Variants in DPYS observed in about 807,000 individuals in gnomAD.
DPYS encodes the protein dihydropyrimidine amidohydrolase.
DPYS carries 39 observed loss-of-function variants against 50.3 expected under a neutral mutation model. The ratio of observed to expected loss-of-function variants is 0.78; its 90% CI spans 0.60 to 1.01. The LOEUF is 1.01. DPYS is among the 50% of genes least tolerant of loss of function. The pLI, the probability that DPYS is intolerant of heterozygous loss-of-function variation, is 0.00. For missense variants in DPYS, 659 were observed against 680.9 expected (o/e 0.97, Z 0.36); for synonymous variants, 245 against 250.7 (o/e 0.98, Z 0.22).
intron 2 of DPYS, among the ~76,000 whole-genome samples, chr8:104,449,181 CT>C (rs1813643402): frequency 1.3e-5 from 2 of 152,124 alleles, no homozygotes; most frequent in South Asian, 2.1e-4. Flanking sequence ...TTTGTTCCCC[CT>C]AACAGTTTCT....
chr8:104,450,167 G>GAGGA (rs1266424852), intron 2 of DPYS, among the ~76,000 whole-genome samples: 2 of 137,436 alleles, frequency 1.5e-5, no homozygotes, highest in African/African-American at 5.4e-5. Context: ...GGAAGGGAGG[G>GAGGA]AGGGAGGGAA....
chr8:104,395,842 C>A (rs1436945691), intron 7 of DPYS, among the ~76,000 whole-genome samples: 2 of 69,662 alleles, frequency 2.9e-5, no homozygotes, highest in African/African-American at 5.0e-5. Context: ...TAAGTGTATG[C>A]TGCAGCAAAA....
chr8:104,443,403 A>G (rs1813418690), intron 4 of DPYS, among the ~76,000 whole-genome samples: 1 of 152,200 alleles, frequency 6.6e-6, no homozygotes, highest in African/African-American at 2.4e-5. Flanking sequence ...TTAGATTTTA[A>G]AATCTTAAAA....
At chr8:104,392,361 T>G (rs879345978) in intron 8 of DPYS, among the ~76,000 whole-genome samples, 2 of 152,188 alleles carry the variant, frequency 1.3e-5, no homozygotes, top group Non-Finnish European at 2.9e-5. Context: ...TTTATCTCTT[T>G]CTTTTCTTTA....
chr8:104,451,179 T>C (rs1813723351), intron 2 of DPYS, 67 bp downstream of exon 2: 1 of 1,604,812 alleles, frequency 6.2e-7, no homozygotes, highest in Non-Finnish European at 8.5e-7. Flanking sequence ...ATGTCACCAG[T>C]TTCTTGCTCT....
intron 7 of DPYS, among the ~76,000 whole-genome samples, chr8:104,412,026 C>G (rs1812198688): frequency 6.6e-6 from 1 of 152,206 alleles, no homozygotes; most frequent in Admixed American, 6.5e-5. Context: ...CTAATGTACT[C>G]TGACTCTCCT....
intron 4 of DPYS, among the ~76,000 whole-genome samples, chr8:104,437,006 A>T (rs1451954753): frequency 1.3e-5 from 2 of 152,210 alleles, no homozygotes; most frequent in African/African-American, 4.8e-5. Flanking sequence ...CAAGTTTATT[A>T]GAAGGGCAGG....
intron 7 of DPYS, among the ~76,000 whole-genome samples, chr8:104,418,163 T>C (rs1297405309): frequency 6.6e-6 from 1 of 152,202 alleles, no homozygotes; most frequent in Non-Finnish European, 1.5e-5. Context: ...AACCAGCAGC[T>C]CGAATGGCCT....
chr8:104,404,190 T>C (rs917080693), intron 7 of DPYS, among the ~76,000 whole-genome samples: 1 of 152,160 alleles, frequency 6.6e-6, no homozygotes, highest in Non-Finnish European at 1.5e-5. Context: ...TGAATGAGAT[T>C]GCCTAAGACA....
At chr8:104,423,739 T>C (rs1045039840) in intron 7 of DPYS, among the ~76,000 whole-genome samples, 54 of 152,122 alleles carry the variant, frequency 3.5e-4, no homozygotes, top group African/African-American at 1.1e-3. Flanking sequence ...AATATTAACA[T>C]AGAATTATGG....
intron 7 of DPYS, among the ~76,000 whole-genome samples, chr8:104,410,113 C>G (rs1468277201): frequency 1.3e-5 from 2 of 152,162 alleles, no homozygotes; most frequent in Non-Finnish European, 2.9e-5. Context: ...CATACATGAG[C>G]AAGGCTGCAG....
intron 4 of DPYS, among the ~76,000 whole-genome samples, chr8:104,434,364 T>C (rs1479388208): frequency 6.6e-6 from 1 of 152,176 alleles, no homozygotes; most frequent in Non-Finnish European, 1.5e-5. Flanking sequence ...GGTCAGCCTT[T>C]CCTGAATTCC....
At chr8:104,396,072 G>T (rs1811575070) in intron 7 of DPYS, among the ~76,000 whole-genome samples, 1 of 152,168 alleles carries the variant, frequency 6.6e-6, no homozygotes, top group Non-Finnish European at 1.5e-5. Context: ...TTATGGTGAT[G>T]AAAGATACAA....
At chr8:104,383,746 C>A (rs967510285) in intron 8 of DPYS, among the ~76,000 whole-genome samples, 1 of 152,138 alleles carries the variant, frequency 6.6e-6, no homozygotes, top group African/African-American at 2.4e-5. Context: ...GAATTACAGG[C>A]ACACACCACC....
chr8:104,426,378 T>G (rs1258462280), intron 6 of DPYS, among the ~76,000 whole-genome samples: 2 of 152,304 alleles, frequency 1.3e-5, no homozygotes, highest in East Asian at 3.9e-4. Context: ...CAAGAGTTCT[T>G]GTACTGGAGT....
At chr8:104,384,669 T>C (rs1480639137) in intron 8 of DPYS, among the ~76,000 whole-genome samples, 1 of 152,072 alleles carries the variant, frequency 6.6e-6, no homozygotes, top group Non-Finnish European at 1.5e-5. Flanking sequence ...GCAGTCAGGG[T>C]CAAAATAAAG....
At chr8:104,423,309 GA>G (rs1377349421) in intron 7 of DPYS, among the ~76,000 whole-genome samples, 5 of 152,104 alleles carry the variant, frequency 3.3e-5, no homozygotes, top group Non-Finnish European at 7.4e-5. Flanking sequence ...GTGTCAAGTG[GA>G]AAAAAACAAG....
At chr8:104,463,129 C>T (rs1226725142) in intron 1 of DPYS, among the ~76,000 whole-genome samples, 3 of 152,124 alleles carry the variant, frequency 2.0e-5, no homozygotes, top group Admixed American at 1.3e-4. Context: ...ATGTAGAATG[C>T]AAACAGCTAT....
chr8:104,431,709 G>A (rs1267625802), intron 4 of DPYS, among the ~76,000 whole-genome samples: 1 of 151,972 alleles, frequency 6.6e-6, no homozygotes, highest in Non-Finnish European at 1.5e-5. Flanking sequence ...AGTTTGCAAG[G>A]CTCCCAAATA....
Sources: allele counts gnomAD v4.1 joint callset (sites outside exome capture counted in the v4.1 genomes callset), GRCh38; gene constraint gnomAD v4.1.1; transcripts MANE v1.5; gene names NCBI Gene and HGNC (gene_info 2026-07-23, HGNC 2026-07-21).